Variants in GALNT13 observed in about 807,000 individuals in gnomAD.
The protein encoded by GALNT13 is polypeptide N-acetylgalactosaminyltransferase 13, also known as UDP-GalNAc:polypeptide N-acetylgalactosaminyltransferase 13.
In GALNT13, 28 loss-of-function variants were observed where a neutral mutation model predicts 64.2. The ratio of observed to expected loss-of-function variants is 0.44; its 90% CI spans 0.32 to 0.60. The LOEUF (loss-of-function observed/expected upper bound fraction) is 0.60. Among genes scored for constraint, GALNT13 ranks in the 20% least tolerant of loss-of-function variants. The pLI is 0.05. For missense variants in GALNT13, 577 were observed against 669.8 expected, an observed-to-expected ratio of 0.86 and a Z score of 1.53; for synonymous variants, 214 against 224.6, an observed-to-expected ratio of 0.95 and a Z score of 0.42.
chr2:154,296,769 A>G (rs563981499), intron 8 of GALNT13, among the ~76,000 whole-genome samples: 4 of 152,180 alleles, frequency 2.6e-5, no homozygotes, highest in Non-Finnish European at 4.4e-5. Context: ...TTTTTTAAAG[A>G]TTCTTTTTTT....
At chr2:153,763,374 G>T in the GALNT13 span, among the ~76,000 whole-genome samples, 1 of 152,134 alleles carries the variant, frequency 6.6e-6, no homozygotes, top group Admixed American at 6.5e-5. Flanking sequence ...ACCTTGAATT[G>T]TAATAATCTC....
chr2:154,229,891 A>C (rs1209229008), intron 4 of GALNT13, among the ~76,000 whole-genome samples: 1 of 152,108 alleles, frequency 6.6e-6, no homozygotes, highest in Non-Finnish European at 1.5e-5. Flanking sequence ...TTAGGAAGGA[A>C]GAGTCATCAA....
chr2:153,603,142 C>T, the GALNT13 span, among the ~76,000 whole-genome samples: 6 of 152,004 alleles, frequency 3.9e-5, no homozygotes, highest in South Asian at 1.2e-3. Context: ...CAGGTATCAT[C>T]TCATTACTAA....
At chr2:153,315,737 G>A in the GALNT13 span, among the ~76,000 whole-genome samples, 1 of 152,034 alleles carries the variant, frequency 6.6e-6, no homozygotes, top group Admixed American at 6.6e-5. Flanking sequence ...CAGAATATAC[G>A]TTCTCTTTAA....
chr2:153,653,353 C>T, the GALNT13 span, among the ~76,000 whole-genome samples: 1 of 152,092 alleles, frequency 6.6e-6, no homozygotes, highest in Non-Finnish European at 1.5e-5. Flanking sequence ...AATGGCGAGA[C>T]CTTCATAAAC....
At chr2:153,422,949 T>C in the GALNT13 span, among the ~76,000 whole-genome samples, 25 of 152,086 alleles carry the variant, frequency 1.6e-4, no homozygotes, top group East Asian at 3.3e-3. Flanking sequence ...AAGGGTTTGA[T>C]AGTATCTATT....
At chr2:153,168,637 T>C in the GALNT13 span, among the ~76,000 whole-genome samples, 1 of 152,210 alleles carries the variant, frequency 6.6e-6, no homozygotes, top group South Asian at 2.1e-4. Context: ...ATTTAATTGA[T>C]TGTATGCCCT....
chr2:153,573,684 C>T, the GALNT13 span, among the ~76,000 whole-genome samples: 1 of 152,092 alleles, frequency 6.6e-6, no homozygotes, highest in East Asian at 1.9e-4. Flanking sequence ...GACAACTTAA[C>T]ACTATTTGTA....
At chr2:153,841,837 G>A in the GALNT13 span, among the ~76,000 whole-genome samples, 3 of 151,980 alleles carry the variant, frequency 2.0e-5, no homozygotes, top group African/African-American at 7.3e-5. Flanking sequence ...ATATTTTTGG[G>A]ATCCAAAATT....
At chr2:153,686,970 C>T in the GALNT13 span, among the ~76,000 whole-genome samples, 8 of 152,056 alleles carry the variant, frequency 5.3e-5, no homozygotes, top group African/African-American at 1.9e-4. Flanking sequence ...TTAAGCCAAC[C>T]TTGCATCCAG....
At chr2:153,972,879 C>A (rs1439309162) in intron 3 of GALNT13, among the ~76,000 whole-genome samples, 1 of 151,866 alleles carries the variant, frequency 6.6e-6, no homozygotes, top group African/African-American at 2.4e-5. Context: ...TTATGTAACA[C>A]TTTAGAGTTA....
At chr2:154,297,128 T>C (rs1240454146) in intron 8 of GALNT13, among the ~76,000 whole-genome samples, 1 of 152,210 alleles carries the variant, frequency 6.6e-6, no homozygotes, top group Non-Finnish European at 1.5e-5. Context: ...CTAAAGGATT[T>C]TGTTTATATT....
At chr2:153,725,488 A>T in the GALNT13 span, among the ~76,000 whole-genome samples, 4 of 151,298 alleles carry the variant, frequency 2.6e-5, no homozygotes, top group Admixed American at 1.3e-4. Context: ...GTAATAATAA[A>T]AAAAAAGAAA....
chr2:153,356,801 T>TTTTTTTTTTTTTTTTTTTTTG, the GALNT13 span, among the ~76,000 whole-genome samples: 1 of 134,918 alleles, frequency 7.4e-6, no homozygotes, highest in African/African-American at 2.8e-5. Flanking sequence ...TTTTTTTTTT[T>TTTTTTTTTTTTTTTTTTTTTG]TTTTTTTTTT....
the GALNT13 span, among the ~76,000 whole-genome samples, chr2:153,844,280 C>A: frequency 5.3e-4 from 81 of 152,308 alleles, no homozygotes; most frequent in African/African-American, 1.9e-3. Flanking sequence ...ATTCTGTGTA[C>A]CTGCAGATTT....
At chr2:153,358,111 C>T in the GALNT13 span, among the ~76,000 whole-genome samples, 2 of 152,104 alleles carry the variant, frequency 1.3e-5, no homozygotes, top group South Asian at 4.1e-4. Context: ...TGTGCAAAAG[C>T]CTTTTAAATA....
chr2:153,206,636 A>C, the GALNT13 span, among the ~76,000 whole-genome samples: 1 of 152,058 alleles, frequency 6.6e-6, no homozygotes, highest in African/African-American at 2.4e-5. Context: ...TTCATTAGAT[A>C]TAAGATTAGA....
intron 11 of GALNT13, among the ~76,000 whole-genome samples, chr2:154,413,193 A>T (rs985998748): frequency 6.6e-6 from 1 of 151,836 alleles, no homozygotes; most frequent in African/African-American, 2.4e-5. Flanking sequence ...ATGTCTGCAG[A>T]CATCTCAAAC....
the GALNT13 span, among the ~76,000 whole-genome samples, chr2:153,226,179 A>G: frequency 4.2e-4 from 64 of 151,924 alleles, no homozygotes; most frequent in Admixed American, 8.5e-4. Context: ...TGATCCACCC[A>G]CCTCAGCCTC....
Sources: allele counts gnomAD v4.1 joint callset (sites outside exome capture counted in the v4.1 genomes callset), GRCh38; gene constraint gnomAD v4.1.1; transcripts MANE v1.5; gene names NCBI Gene and HGNC (gene_info 2026-07-23, HGNC 2026-07-21).